The following GALNT18 variants were observed in gnomAD, a reference collection of about 807,000 sequenced individuals.
The protein encoded by GALNT18 is polypeptide N-acetylgalactosaminyltransferase 18.
A neutral mutation model predicts 69.5 loss-of-function variants in GALNT18; 44 were observed. The observed-to-expected ratio is 0.63, with a 90% CI of 0.50 to 0.81. GALNT18 has a LOEUF of 0.81. Among genes scored for constraint, GALNT18 ranks in the 40% least tolerant of loss-of-function variants. GALNT18 has a pLI of 0.00. For synonymous variants in GALNT18, 364 were observed against 318.2 expected (o/e 1.14, Z -1.53); for missense variants, 715 against 810.0 (o/e 0.88, Z 1.42).
At chr11:11,358,190 A>G (rs11021816) in intron 6 of GALNT18, among the ~76,000 whole-genome samples, 34,585 of 139,074 alleles carry the variant, frequency 0.25, 9,580 homozygotes, top group African/African-American at 0.42. Context: ...TTTTTACCTT[A>G]GTTTTATAGT....
At chr11:11,433,056 A>G (rs1297212795) in intron 2 of GALNT18, among the ~76,000 whole-genome samples, 1 of 152,282 alleles carries the variant, frequency 6.6e-6, no homozygotes, top group Non-Finnish European at 1.5e-5. Flanking sequence ...AGGACAGCAC[A>G]TGGCAGCTGG....
chr11:11,419,596 CAAAA>C (rs58012512), intron 3 of GALNT18, among the ~76,000 whole-genome samples: 1 of 26,628 alleles, frequency 3.8e-5, no homozygotes, highest in Admixed American at 5.1e-4. Context: ...GATCCTGTCT[CAAAA>C]AAAAAAAAAA....
intron 1 of GALNT18, among the ~76,000 whole-genome samples, chr11:11,558,654 C>T (rs117822203): frequency 0.013 from 1,915 of 152,344 alleles, 15 homozygotes; most frequent in Non-Finnish European, 0.02. Flanking sequence ...GCCCCTGCAG[C>T]CAGAGGGCTG....
intron 10 of GALNT18, among the ~76,000 whole-genome samples, chr11:11,283,440 T>C (rs762817631): frequency 1.3e-5 from 2 of 152,168 alleles, no homozygotes; most frequent in Non-Finnish European, 2.9e-5. Context: ...ACTTTGACTT[T>C]TAATCTGAAT....
chr11:11,352,962 A>T lies in GALNT18; in HGVS notation c.1093-11958T>A, dbSNP rs751042839. The T allele has an allele frequency of 4.3e-6, 7 of 1,614,064 alleles. No homozygotes were observed. In the South Asian group the frequency reaches 7.7e-5, roughly 18 times the overall value. On this transcript the variant is annotated intron_variant, in intron 6 of 10. Coordinates refer to ENST00000227756, the MANE Select transcript of GALNT18 (RefSeq NM_198516.3). ...ATTTGTGATGTTGATGGCTTCAAAT[A>T]CTTCACTGTATTTACCTCGGCCTAA...
chr11:11,488,515 T>A (rs1162674855), intron 1 of GALNT18, among the ~76,000 whole-genome samples: 1 of 152,124 alleles, frequency 6.6e-6, no homozygotes, highest in East Asian at 1.9e-4. Context: ...TAAACTGTAT[T>A]CAGATTATGG....
chr11:11,278,510 TAAAA>T (rs545686221), intron 10 of GALNT18, among the ~76,000 whole-genome samples: 1 of 144,438 alleles, frequency 6.9e-6, no homozygotes, highest in Non-Finnish European at 1.5e-5. Flanking sequence ...ACTTATAGTA[TAAAA>T]AAAAAAGGGA....
At chr11:11,547,143 T>G (rs903271422) in intron 1 of GALNT18, among the ~76,000 whole-genome samples, 1 of 152,196 alleles carries the variant, frequency 6.6e-6, no homozygotes, top group Non-Finnish European at 1.5e-5. Context: ...ATACACATAG[T>G]AGGTGCACAA....
intron 1 of GALNT18, among the ~76,000 whole-genome samples, chr11:11,571,296 A>G: frequency 6.6e-6 from 1 of 152,240 alleles, no homozygotes; most frequent in East Asian, 1.9e-4. Context: ...AAAGGTCCCA[A>G]GGGCATGTCT....
At chr11:11,408,313 C>T (rs951863247) in intron 3 of GALNT18, among the ~76,000 whole-genome samples, 1 of 134,958 alleles carries the variant, frequency 7.4e-6, no homozygotes, top group East Asian at 2.1e-4. Context: ...TGCAGTGAGC[C>T]AAGATCGTGG....
In GALNT18 at chr11:11,606,527, C is replaced by T. The variant is rs1440508818; in HGVS notation, c.235+14832G>A. Among the ~76,000 whole-genome samples, 1 of 152,170 alleles carries T rather than the reference C, an allele frequency of 6.6e-6. No individual in the cohort carries two copies. Among genetic ancestry groups the T allele is most frequent in the Non-Finnish European group, 1.5e-5 (1 of 68,042 alleles). On this transcript the variant is annotated intron_variant, in intron 1 of 10. Transcript: ENST00000227756. The surrounding 1 kb of genome is among the most constrained non-coding windows in gnomAD (Gnocchi z 5.4). ...TGCCCCTCCTCTATCCGAATCATCA[C>T]TCTGGTTTGAGGGGCTGAGAAGAAG...
intron 3 of GALNT18, among the ~76,000 whole-genome samples, chr11:11,407,462 C>G (rs1027181011): frequency 6.6e-6 from 1 of 152,208 alleles, no homozygotes; most frequent in Non-Finnish European, 1.5e-5. Context: ...TGTGCCACTT[C>G]AGCACACACG....
At chr11:11,576,005 T>G (rs1430707893) in intron 1 of GALNT18, among the ~76,000 whole-genome samples, 1 of 152,186 alleles carries the variant, frequency 6.6e-6, no homozygotes, top group Non-Finnish European at 1.5e-5. Flanking sequence ...AGAAACTGGT[T>G]CAGAGAGGTG....
intron 9 of GALNT18, among the ~76,000 whole-genome samples, chr11:11,310,532 A>G (rs1244172829): frequency 6.6e-6 from 1 of 152,184 alleles, no homozygotes; most frequent in African/African-American, 2.4e-5. Flanking sequence ...TTCCTGCAGA[A>G]AAAATTGTTA....
In GALNT18 at chr11:11,586,453, A is replaced by G. The variant is rs969977632; in HGVS notation, c.235+34906T>C. Among the ~76,000 whole-genome samples, 6 of 152,148 alleles carry G rather than the reference A, an allele frequency of 3.9e-5. No homozygotes were observed. Among genetic ancestry groups the G allele is most frequent in the Non-Finnish European group, 8.8e-5 (6 of 68,024 alleles). On this transcript the variant is annotated intron_variant, in intron 1 of 10. Coordinates refer to ENST00000227756, the MANE Select transcript of GALNT18 (RefSeq NM_198516.3). This position sits in a 1 kb window ranked among gnomAD's most constrained non-coding sequence, Gnocchi z 4.1. ...AAAAGTTTGAAAACTTCTGGCTTAA[A>G]CTATAGCTAAAAGATAGGAAATTCT... is the stretch of plus-strand genomic sequence containing the variant.
At chr11:11,442,070 G>A (rs908213274) in intron 2 of GALNT18, among the ~76,000 whole-genome samples, 5 of 152,140 alleles carry the variant, frequency 3.3e-5, no homozygotes, top group Admixed American at 2.6e-4. Context: ...CACAGTTCTC[G>A]CTGGGCTGGA....
rs568688660 is a variant in GALNT18 at position 11,573,024 on chromosome 11, C to T, written c.235+48335G>A. 2.6e-5 allele frequency among the ~76,000 whole-genome samples: 4 copies of T among 152,206 alleles called. No homozygotes were observed. In the South Asian group the frequency reaches 6.2e-4, roughly 24 times the overall value. The stretch of plus-strand genomic sequence containing the variant: ...CTCACAGTAGTCCCATGAAGGAGGA[C>T]GTTATCTTAGCCCATTTTACAGATG... On this transcript the variant is annotated intron_variant, in intron 1 of 10. Coordinates refer to ENST00000227756, the MANE Select transcript of GALNT18 (RefSeq NM_198516.3). This position sits in a 1 kb window ranked among gnomAD's most constrained non-coding sequence, Gnocchi z 4.6.
chr11:11,464,013 C>T (rs1483888853), intron 1 of GALNT18, among the ~76,000 whole-genome samples: 2 of 152,164 alleles, frequency 1.3e-5, no homozygotes, highest in East Asian at 3.9e-4. Context: ...GAGGCAGTCC[C>T]GGCCTGCAGC....
At chr11:11,278,562 C>G (rs1033711661) in intron 10 of GALNT18, among the ~76,000 whole-genome samples, 2 of 151,564 alleles carry the variant, frequency 1.3e-5, no homozygotes, top group African/African-American at 4.9e-5. Context: ...AACGGGAGGT[C>G]ATTATGTTAA....
Sources: allele counts gnomAD v4.1 joint callset (sites outside exome capture counted in the v4.1 genomes callset), GRCh38; gene constraint gnomAD v4.1.1; non-coding constraint Gnocchi (gnomAD v3.1); transcripts MANE v1.5; gene names NCBI Gene and HGNC (gene_info 2026-07-23, HGNC 2026-07-21).